Variants in PUS7 observed in about 807,000 individuals in gnomAD.
PUS7 encodes the protein pseudouridylate synthase 7 homolog.
PUS7 carries 48 observed loss-of-function variants against 79.8 expected under a neutral mutation model. That is an observed-to-expected ratio of 0.60 (90% CI 0.48 to 0.76). The LOEUF (loss-of-function observed/expected upper bound fraction) is 0.76. Among genes scored for constraint, PUS7 ranks in the 30% least tolerant of loss-of-function variants. The pLI is 0.00. For missense variants in PUS7, 729 were observed against 797.6 expected, an observed-to-expected ratio of 0.91 and a Z score of 1.04; for synonymous variants, 286 against 272.2, an observed-to-expected ratio of 1.05 and a Z score of -0.50.
At chr7:105,473,661 C>T (rs558020547) in intron 9 of PUS7, among the ~76,000 whole-genome samples, 23 of 151,676 alleles carry the variant, frequency 1.5e-4, no homozygotes, top group Non-Finnish European at 2.6e-4. Context: ...TCACGTGATC[C>T]GCCTGCCTCG....
At position 105,472,154 on chromosome 7, in the gene PUS7, T is replaced by TAAATCC; in HGVS notation, c.1209_1214dup (p.Asp404_Leu405dup). The TAAATCC allele has an allele frequency of 6.2e-7, 1 of 1,600,594 alleles. No homozygotes were observed. The highest frequency in any genetic ancestry group is 8.6e-7 in the Non-Finnish European group (1 of 1,169,226). ...CACCTCCAGAGCGGGGTTTCAATAT[T>TAAATCC]AAATCCATGACTTCTGTCCAGGAAT... On this transcript the variant is annotated inframe_insertion, in exon 10 of 16. Transcript: ENST00000469408.
intron 5 of PUS7, among the ~76,000 whole-genome samples, chr7:105,497,586 T>C (rs1362449949): frequency 6.6e-6 from 1 of 152,194 alleles, no homozygotes; most frequent in Admixed American, 6.6e-5. Flanking sequence ...GAACAAGCCA[T>C]CTGCATATAA....
intron 2 of PUS7, 142 bp downstream of exon 2, chr7:105,507,972 GT>G: frequency 1.8e-6 from 2 of 1,116,304 alleles, no homozygotes; most frequent in Non-Finnish European, 2.4e-6. Flanking sequence ...ATTCAGGCAG[GT>G]TTCCTTCATC....
chr7:105,494,650 T>C (rs1288900961), intron 6 of PUS7, among the ~76,000 whole-genome samples: 1 of 152,018 alleles, frequency 6.6e-6, no homozygotes, highest in East Asian at 1.9e-4. Flanking sequence ...CCTCGTGATC[T>C]GCCTTCCTCG....
rs57686149 is a variant in PUS7 at position 105,515,791 on chromosome 7, T to TTTTATTTA, written c.-33+6253_-33+6260dup. On this transcript the variant is annotated intron_variant, in intron 1 of 15. Transcript: ENST00000469408. ...CGACTAAGTTTTGTATTTTATTTTA[T>TTTTATTTA]TTTATTTATTTATTTATTTATTTAT... Among the ~76,000 whole-genome samples, 429 of 121,262 alleles carry TTTTATTTA rather than the reference T, an allele frequency of 3.5e-3. 6 individuals are homozygous for TTTTATTTA. The highest frequency in any genetic ancestry group is 6.1e-3 in the Admixed American group (71 of 11,578). The allele number at this position is 121,262 out of a possible 152,430, so 79.6% of individuals were successfully genotyped here.
chr7:105,482,834 T>C (rs1367815285), intron 7 of PUS7, among the ~76,000 whole-genome samples: 1 of 152,132 alleles, frequency 6.6e-6, no homozygotes, highest in Non-Finnish European at 1.5e-5. Flanking sequence ...AAAAGGTCAT[T>C]ATTTTTGTCA....
intron 4 of PUS7, among the ~76,000 whole-genome samples, chr7:105,504,822 T>G (rs558503795): frequency 1.3e-5 from 2 of 152,160 alleles, no homozygotes; most frequent in Admixed American, 1.3e-4. Flanking sequence ...TAATGGAAGA[T>G]TTCTAACATT....
Position 105,459,275 on chromosome 7 carries a change from A to G in PUS7, c.1758-16T>C. 1 of 1,558,920 alleles carries G rather than the reference A, an allele frequency of 6.4e-7. No homozygotes were observed. Among genetic ancestry groups the G allele is most frequent in the African/African-American group, 1.4e-5 (1 of 73,784 alleles). On this transcript the variant is annotated splice_polypyrimidine_tract_variant and intron_variant, in intron 14 of 15. Coordinates refer to ENST00000469408, the MANE Select transcript of PUS7 (RefSeq NM_019042.5). ...AACGACTTCCCTTCAAAACATATGA[A>G]TAAAGATAAGTGTGAATGTGAACTT...
intron 13 of PUS7, 129 bp downstream of exon 13, chr7:105,465,184 T>A: frequency 1.8e-6 from 1 of 570,188 alleles, no homozygotes; most frequent in Non-Finnish European, 3.0e-6. Context: ...TTTCTTAATT[T>A]AAATTTTCCA....
At chr7:105,482,569 G>C (rs763485470) in intron 7 of PUS7, 129 bp from the exon 8 acceptor site, 122 of 935,934 alleles carry the variant, frequency 1.3e-4, no homozygotes, top group Non-Finnish European at 1.7e-4. Context: ...AAAGGAAAAG[G>C]CACTGCAGCA....
At chr7:105,503,407 C>T (rs1825331922) in intron 4 of PUS7, among the ~76,000 whole-genome samples, 1 of 152,138 alleles carries the variant, frequency 6.6e-6, no homozygotes, top group Admixed American at 6.6e-5. Flanking sequence ...TAATGAGGTT[C>T]TAGCACATGG....
intron 2 of PUS7, among the ~76,000 whole-genome samples, chr7:105,507,802 AAAGTGCTGGGAT>A (rs898879679): frequency 2.6e-5 from 4 of 152,306 alleles, no homozygotes; most frequent in Admixed American, 6.5e-5. Flanking sequence ...TCGGCCTCCC[AAAGTGCTGGGAT>A]AACAGGCGTA....
Position 105,482,447 on chromosome 7 carries a change from A to T in PUS7, c.921-7T>A. The T allele has an allele frequency of 3.0e-6, 4 of 1,350,594 alleles. No individual in the cohort carries two copies. Among genetic ancestry groups the T allele is most frequent in the Non-Finnish European group, 3.0e-6 (3 of 1,004,248 alleles). 83.7% of individuals were successfully genotyped at this position (1,350,594 alleles called of 1,614,324 possible). Reference sequence around the variant, plus strand: ...AAGTCTTTGTGCAGTTATTCTTTAAAAAAAAAAAAAAAAGCAACAAAACAA... The same window carrying T: ...AAGTCTTTGTGCAGTTATTCTTTAATAAAAAAAAAAAAAGCAACAAAACAA... On this transcript the variant is annotated splice_region_variant and splice_polypyrimidine_tract_variant and intron_variant, in intron 7 of 15. Transcript: ENST00000469408.
At chr7:105,505,717 T>C (rs1294406678) in intron 4 of PUS7, among the ~76,000 whole-genome samples, 2 of 152,266 alleles carry the variant, frequency 1.3e-5, no homozygotes, top group African/African-American at 4.8e-5. Context: ...CATGTAACAC[T>C]GTACCCAAAT....
At chr7:105,496,667 C>T (rs1197554900) in intron 5 of PUS7, among the ~76,000 whole-genome samples, 3 of 152,130 alleles carry the variant, frequency 2.0e-5, no homozygotes, top group Non-Finnish European at 4.4e-5. Flanking sequence ...CAAAAGACTC[C>T]ATAAACCATT....
chr7:105,514,715 T>C (rs139554561), intron 1 of PUS7, among the ~76,000 whole-genome samples: 352 of 152,352 alleles, frequency 2.3e-3, no homozygotes, highest in Non-Finnish European at 4.1e-3. Flanking sequence ...GAGTCACATA[T>C]GGTTACAATT....
In PUS7 at chr7:105,505,003, A is replaced by ATTTTTTTTTTTTTTTTTTTTTTT. The variant is rs112752687; in HGVS notation, c.585+951_585+952insAAAAAAAAAAAAAAAAAAAAAAA. Among the ~76,000 whole-genome samples, 110 of 142,630 alleles carry ATTTTTTTTTTTTTTTTTTTTTTT rather than the reference A, an allele frequency of 7.7e-4. 4 individuals carry two copies. Among genetic ancestry groups the ATTTTTTTTTTTTTTTTTTTTTTT allele is most frequent in the South Asian group, 3.0e-3 (13 of 4,360 alleles). The allele number at this position is 142,630 out of a possible 152,430, so 93.6% of individuals were successfully genotyped here. A position where few individuals can be genotyped will look rare whatever the true frequency, so the allele number is the denominator to read the frequency against. On this transcript the variant is annotated intron_variant, in intron 4 of 15. Transcript: ENST00000469408. Reference sequence around the variant, plus strand: ...TGTAGTACAAAATTAATTTAACATAATTTTTTTTTTTTTTTGATATGGAGT... The same window carrying ATTTTTTTTTTTTTTTTTTTTTTT: ...TGTAGTACAAAATTAATTTAACATAATTTTTTTTTTTTTTTTTTTTTTTTTTTTTTTTTTTTTTGATATGGAGT...
chr7:105,458,404 G>T (rs575357191), intron 15 of PUS7, among the ~76,000 whole-genome samples: 2 of 151,618 alleles, frequency 1.3e-5, no homozygotes, highest in Admixed American at 6.6e-5. Context: ...GGGATTACAG[G>T]TGCCCACCAC....
At chr7:105,504,136 C>CTTTTTT (rs1586165458) in intron 4 of PUS7, among the ~76,000 whole-genome samples, 1 of 147,724 alleles carries the variant, frequency 6.8e-6, no homozygotes, top group Non-Finnish European at 1.5e-5. Flanking sequence ...ATGGCACGAT[C>CTTTTTT]TCGGCTCACT....
Sources: allele counts gnomAD v4.1 joint callset (sites outside exome capture counted in the v4.1 genomes callset), GRCh38; gene constraint gnomAD v4.1.1; transcripts MANE v1.5; gene names NCBI Gene and HGNC (gene_info 2026-07-23, HGNC 2026-07-21).